Variants in KCNG2 observed in about 807,000 individuals in gnomAD.
KCNG2 encodes the protein voltage-gated potassium channel regulatory subunit KCNG2.
Under a neutral mutation model 12.3 loss-of-function variants are expected in KCNG2, and 7 were observed. The observed-to-expected ratio is 0.57, with a 90% CI of 0.32 to 1.07. The LOEUF (loss-of-function observed/expected upper bound fraction) is 1.07. KCNG2 is among the 50% of genes least tolerant of loss of function. KCNG2 has a pLI of 0.04. For synonymous variants in KCNG2, 414 were observed against 351.4 expected, an observed-to-expected ratio of 1.18 and a Z score of -1.99; for missense variants, 703 against 726.0, an observed-to-expected ratio of 0.97 and a Z score of 0.36.
intron 1 of KCNG2, among the ~76,000 whole-genome samples, chr18:79,813,384 T>C (rs1446607752): frequency 3.3e-5 from 5 of 152,214 alleles, no homozygotes; most frequent in Admixed American, 3.3e-4. Flanking sequence ...ATCATATTAA[T>C]TGATGCAGAA....
At chr18:79,848,758 C>G (rs868646033) in intron 1 of KCNG2, among the ~76,000 whole-genome samples, 11 of 152,100 alleles carry the variant, frequency 7.2e-5, no homozygotes, top group South Asian at 6.2e-4. Flanking sequence ...AGCATCCTGT[C>G]GCCATGCCTG....
At chr18:79,888,427 C>T (rs1329536009) in intron 3 of KCNG2, among the ~76,000 whole-genome samples, 1 of 141,630 alleles carries the variant, frequency 7.1e-6, no homozygotes, top group African/African-American at 2.5e-5. Flanking sequence ...CATGAGGCCG[C>T]GGTGGGGCCG....
At chr18:79,887,565 C>T (rs1980573917) in intron 3 of KCNG2, among the ~76,000 whole-genome samples, 1 of 152,138 alleles carries the variant, frequency 6.6e-6, no homozygotes. Context: ...TTCTAACCAC[C>T]CCCCAGCTGG....
chr18:79,832,132 C>T lies in KCNG2; in HGVS notation c.-114-24247C>T, dbSNP rs1311592016. ...CTCCGAGGTACATCTATCCGCTGCTCATAGCTTGCCCGTCCTCACCCATGA... is the reference window on the plus strand; with the variant it reads ...CTCCGAGGTACATCTATCCGCTGCTTATAGCTTGCCCGTCCTCACCCATGA... On this transcript the variant is annotated intron_variant, in intron 1 of 3. Transcript: ENST00000316249. Among the ~76,000 whole-genome samples, 3 of 152,194 alleles carry T rather than the reference C, an allele frequency of 2.0e-5. No homozygotes were observed. In the East Asian group the frequency reaches 5.8e-4, roughly 29 times the overall value.
intron 1 of KCNG2, among the ~76,000 whole-genome samples, chr18:79,805,139 T>A (rs1057065689): frequency 6.6e-6 from 1 of 152,262 alleles, no homozygotes; most frequent in East Asian, 1.9e-4. Flanking sequence ...TATTTGTAGA[T>A]ACATCTTTGA....
rs766894600 is a variant in KCNG2, at chr18:79,884,252, C to A, written c.625-14788C>A. ...CCATGTCCCTGTTCTCAGCCCTCCT[C>A]CCGCCCCTCCCTGTGGGCCCCACAC... On this transcript the variant is annotated intron_variant, in intron 3 of 3. Coordinates refer to ENST00000316249, the MANE Select transcript of KCNG2 (RefSeq NM_012283.2). This position sits in a 1 kb window ranked among gnomAD's most constrained non-coding sequence, Gnocchi z 5.5. 6.6e-6 allele frequency among the ~76,000 whole-genome samples: 1 copy of A among 151,810 alleles called. No homozygotes were observed. Among genetic ancestry groups the A allele is most frequent in the Non-Finnish European group, 1.5e-5 (1 of 67,934 alleles).
chr18:79,798,881 G>A lies in KCNG2; in HGVS notation c.-115+867G>A, dbSNP rs544539919. ...ACGTTCCCCTAAACCCACAAGTCCC[G>A]GAGACCCTGGGGCATTCTGCGATTT... On this transcript the variant is annotated intron_variant, in intron 1 of 3. Transcript: ENST00000316249. Among the ~76,000 whole-genome samples the A allele has an allele frequency of 2.6e-5, 4 of 152,342 alleles. No homozygotes were observed. The East Asian group carries it at 7.8e-4, about 30-fold the overall frequency.
chr18:79,834,173 G>C (rs1978311023), intron 1 of KCNG2, among the ~76,000 whole-genome samples: 1 of 152,230 alleles, frequency 6.6e-6, no homozygotes, highest in Admixed American at 6.5e-5. Context: ...GCCAGCGTCA[G>C]AGCGGCTTGG....
chr18:79,817,353 T>C (rs1346236691), intron 1 of KCNG2, among the ~76,000 whole-genome samples: 2 of 152,196 alleles, frequency 1.3e-5, no homozygotes, highest in South Asian at 2.1e-4. Context: ...GGTTGTCACA[T>C]GGATGTCACA....
At chr18:79,865,244 GTGGGTGCTGAGGTC>G (rs1462570455) in intron 3 of KCNG2, among the ~76,000 whole-genome samples, 3 of 139,890 alleles carry the variant, frequency 2.1e-5, no homozygotes, top group Admixed American at 7.0e-5. Context: ...TGCTGAGAGT[GTGGGTGCTGAGGTC>G]TGGGTGCTGA....
At chr18:79,802,687 G>A (rs1376168714) in intron 1 of KCNG2, among the ~76,000 whole-genome samples, 3 of 151,234 alleles carry the variant, frequency 2.0e-5, no homozygotes, top group African/African-American at 7.3e-5. Context: ...GCGTACAGTG[G>A]TTCTAGCGTG....
At chr18:79,839,849 A>T (rs1978407579) in intron 1 of KCNG2, among the ~76,000 whole-genome samples, 1 of 152,232 alleles carries the variant, frequency 6.6e-6, no homozygotes, top group Non-Finnish European at 1.5e-5. Context: ...CAATCAGTGT[A>T]AGCACCATAT....
chr18:79,878,198 C>G (rs1980150554), intron 3 of KCNG2, among the ~76,000 whole-genome samples: 1 of 152,276 alleles, frequency 6.6e-6, no homozygotes, highest in Non-Finnish European at 1.5e-5. Context: ...CACACATTTT[C>G]TAGTTGAGAC....
intron 1 of KCNG2, among the ~76,000 whole-genome samples, chr18:79,807,424 A>G (rs1363212770): frequency 6.6e-6 from 1 of 152,110 alleles, no homozygotes; most frequent in African/African-American, 2.4e-5. Flanking sequence ...CAGCGCCCTC[A>G]CAAGAGAAGC....
chr18:79,884,276 A>G lies in KCNG2; in HGVS notation c.625-14764A>G, dbSNP rs553332195. ...TCCCGCCCCTCCCTGTGGGCCCCAC[A>G]CCTGCACCCCCAAGAGAATTCGCCC... On this transcript the variant is annotated intron_variant, in intron 3 of 3. Coordinates refer to ENST00000316249, the MANE Select transcript of KCNG2 (RefSeq NM_012283.2). This position sits in a 1 kb window ranked among gnomAD's most constrained non-coding sequence, Gnocchi z 5.5. 1.5e-3 allele frequency among the ~76,000 whole-genome samples: 205 copies of G among 137,360 alleles called. No homozygotes were observed. Among genetic ancestry groups the G allele is most frequent in the Non-Finnish European group, 2.8e-3 (178 of 63,736 alleles). 90.1% of individuals were successfully genotyped at this position (137,360 alleles called of 152,430 possible).
chr18:79,856,718 C>T (rs1488330446), intron 2 of KCNG2, among the ~76,000 whole-genome samples: 1 of 152,120 alleles, frequency 6.6e-6, no homozygotes, highest in Non-Finnish European at 1.5e-5. Flanking sequence ...CAAAGGGCTC[C>T]AGCAGCTGGG....
chr18:79,838,583 A>T (rs978707914), intron 1 of KCNG2, among the ~76,000 whole-genome samples: 2 of 151,916 alleles, frequency 1.3e-5, no homozygotes, highest in Non-Finnish European at 2.9e-5. Context: ...GCTAATTTTT[A>T]AATTTTTTGT....
chr18:79,897,560 ACAG>A (rs1981023620), intron 3 of KCNG2, among the ~76,000 whole-genome samples: 3 of 152,160 alleles, frequency 2.0e-5, no homozygotes, highest in Non-Finnish European at 4.4e-5. Context: ...GGTCACTCTC[ACAG>A]CAGTTTTTGT....
chr18:79,862,372 G>T (rs1979253206), intron 2 of KCNG2, among the ~76,000 whole-genome samples: 1 of 152,204 alleles, frequency 6.6e-6, no homozygotes, highest in Admixed American at 6.5e-5. Flanking sequence ...TTAGAGGGCA[G>T]CAAGTGGTGG....
Sources: allele counts gnomAD v4.1 joint callset (sites outside exome capture counted in the v4.1 genomes callset), GRCh38; gene constraint gnomAD v4.1.1; non-coding constraint Gnocchi (gnomAD v3.1); transcripts MANE v1.5; gene names NCBI Gene and HGNC (gene_info 2026-07-23, HGNC 2026-07-21).